COL21A1: variants seen among roughly 807,000 people sequenced by gnomAD.
COL21A1 encodes collagen alpha-1(XXI) chain.
A neutral mutation model predicts 137.9 loss-of-function variants in COL21A1; 149 were observed. The ratio of observed to expected loss-of-function variants is 1.08; its 90% confidence interval spans 0.95 to 1.24. The LOEUF (loss-of-function observed/expected upper bound fraction) is 1.24, where lower values mean the gene tolerates loss of function less well. Among genes scored for constraint, COL21A1 ranks in the 50% most tolerant of loss-of-function variants. The pLI, the probability that COL21A1 is intolerant of heterozygous loss-of-function variation, is 0.00. For missense variants in COL21A1, 1,167 were observed against 1,158.4 expected (o/e 1.01, Z -0.11); for synonymous variants, 456 against 391.5 (o/e 1.16, Z -1.95).
At chr6:56,124,986 A>G (rs62412818) in intron 14 of COL21A1, among the ~76,000 whole-genome samples, 21,774 of 138,872 alleles carry the variant, frequency 0.16, 1,681 homozygotes, top group Middle Eastern at 0.26. Context: ...CTTCCTAAGG[A>G]ATCTCTCACT....
chr6:56,328,810 C>T (rs2152343189), intron 1 of COL21A1, among the ~76,000 whole-genome samples: 1 of 152,138 alleles, frequency 6.6e-6, no homozygotes, highest in Non-Finnish European at 1.5e-5. Context: ...GAGAAAAATA[C>T]TAACTGGCAA....
intron 1 of COL21A1, among the ~76,000 whole-genome samples, chr6:56,198,479 T>C (rs1414108938): frequency 6.6e-6 from 1 of 152,120 alleles, no homozygotes; most frequent in Non-Finnish European, 1.5e-5. Context: ...ACCTAAAATA[T>C]ATACAATTTT....
At chr6:56,271,143 G>A (rs1186329995) in intron 1 of COL21A1, among the ~76,000 whole-genome samples, 1 of 152,190 alleles carries the variant, frequency 6.6e-6, no homozygotes, top group Non-Finnish European at 1.5e-5. Flanking sequence ...ACTGTTGAAT[G>A]GTTTTGACCA....
At chr6:56,153,555 A>G (rs1775490991) in intron 10 of COL21A1, among the ~76,000 whole-genome samples, 2 of 118,370 alleles carry the variant, frequency 1.7e-5, no homozygotes, top group South Asian at 2.7e-4. Context: ...TATCTCTCAG[A>G]AAAAAAAAAA....
At chr6:56,191,305 C>T (rs1437553821) in intron 1 of COL21A1, among the ~76,000 whole-genome samples, 1 of 151,762 alleles carries the variant, frequency 6.6e-6, no homozygotes, top group Non-Finnish European at 1.5e-5. Flanking sequence ...TCCCATACAC[C>T]AATAACAGAC....
intron 3 of COL21A1, among the ~76,000 whole-genome samples, chr6:56,177,810 A>AG (rs2152279018): frequency 6.6e-6 from 1 of 151,548 alleles, no homozygotes; most frequent in East Asian, 1.9e-4. Context: ...AAAAAAAAAA[A>AG]AAAGTCGAGT....
intron 1 of COL21A1, among the ~76,000 whole-genome samples, chr6:56,283,743 C>T (rs1582755163): frequency 6.6e-6 from 1 of 152,214 alleles, no homozygotes; most frequent in Admixed American, 6.5e-5. Flanking sequence ...GGAGGAGGAA[C>T]TAAATTTTTA....
chr6:56,173,681 C>T (rs1217943205), intron 3 of COL21A1, among the ~76,000 whole-genome samples: 4 of 151,800 alleles, frequency 2.6e-5, no homozygotes, highest in Admixed American at 2.6e-4. Context: ...ATATATGCAG[C>T]CAACATCATG....
intron 1 of COL21A1, among the ~76,000 whole-genome samples, chr6:56,261,195 C>T (rs1488973733): frequency 6.6e-6 from 1 of 152,110 alleles, no homozygotes; most frequent in Non-Finnish European, 1.5e-5. Context: ...CATCCTGGCA[C>T]TCACTAGCAC....
intron 1 of COL21A1, among the ~76,000 whole-genome samples, chr6:56,205,320 G>A (rs1021614386): frequency 3.3e-5 from 5 of 152,106 alleles, no homozygotes; most frequent in African/African-American, 7.2e-5. Context: ...AACACAGGAC[G>A]AGAACTTCGT....
chr6:56,358,454 T>C (rs1182243174), intron 1 of COL21A1, among the ~76,000 whole-genome samples: 3 of 152,176 alleles, frequency 2.0e-5, no homozygotes, highest in East Asian at 3.9e-4. Flanking sequence ...CAAACGATGA[T>C]TGCAAAGTGT....
intron 1 of COL21A1, among the ~76,000 whole-genome samples, chr6:56,355,065 T>A (rs760332474): frequency 3.5e-4 from 53 of 152,322 alleles, no homozygotes; most frequent in Non-Finnish European, 7.1e-4. Context: ...GGGTTCTCGT[T>A]GTAGATTATA....
chr6:56,144,840 G>T (rs17219382), intron 10 of COL21A1, among the ~76,000 whole-genome samples: 23,014 of 152,166 alleles, frequency 0.15, 1,776 homozygotes, highest in Middle Eastern at 0.22. Context: ...TGCACTGAAT[G>T]TTTGCCCTTC....
chr6:56,335,971 C>T (rs980917675), intron 1 of COL21A1, among the ~76,000 whole-genome samples: 5 of 152,116 alleles, frequency 3.3e-5, no homozygotes, highest in Admixed American at 1.3e-4. Context: ...TATTCCATGA[C>T]GTTGATGATG....
intron 1 of COL21A1, among the ~76,000 whole-genome samples, chr6:56,279,125 T>G (rs1763737593): frequency 6.6e-6 from 1 of 152,126 alleles, no homozygotes; most frequent in Non-Finnish European, 1.5e-5. Context: ...CTGATCTCCT[T>G]ATAGTGAGTG....
chr6:56,325,642 TAA>T (rs1765035957), intron 1 of COL21A1, among the ~76,000 whole-genome samples: 1 of 358 alleles, frequency 2.8e-3, no homozygotes, highest in Admixed American at 0.12. Context: ...ATATAATATA[TAA>T]TATAATATAT....
chr6:56,349,189 T>C (rs751928487), intron 1 of COL21A1, among the ~76,000 whole-genome samples: 1 of 152,146 alleles, frequency 6.6e-6, no homozygotes, highest in African/African-American at 2.4e-5. Flanking sequence ...ACTGATAAAA[T>C]AAATTTAGTG....
chr6:56,215,094 TTGACACTTAAAGTATTGTTC>T (rs1338031435), intron 1 of COL21A1, among the ~76,000 whole-genome samples: 8 of 152,082 alleles, frequency 5.3e-5, no homozygotes, highest in African/African-American at 1.9e-4. Context: ...ACTGAGAAAT[TTGACACTTAAAGTATTGTTC>T]TTCCCTTGAT....
chr6:56,308,059 A>AC (rs1462897655), intron 1 of COL21A1, among the ~76,000 whole-genome samples: 4 of 152,096 alleles, frequency 2.6e-5, no homozygotes, highest in Admixed American at 2.6e-4. Flanking sequence ...GGTGTGAATG[A>AC]CCCCCAACAC....
Sources: gnomAD v4.1 joint callset for allele counts (sites outside exome capture counted in the v4.1 genomes callset) on GRCh38, gnomAD v4.1.1 for gene constraint, MANE v1.5 for transcripts, NCBI Gene and HGNC (gene_info 2026-07-23, HGNC 2026-07-21) for gene names.